Variants in MAMLD1 observed in about 807,000 individuals in gnomAD.
MAMLD1 encodes the protein mastermind-like domain-containing protein 1.
MAMLD1 carries 14 observed loss-of-function variants against 45.0 expected under a neutral mutation model. That is an observed-to-expected ratio of 0.31 (90% CI 0.21 to 0.49). MAMLD1 has a LOEUF of 0.49. Ranked by LOEUF, MAMLD1 falls within the 20% of genes least tolerant of loss-of-function variation. MAMLD1 has a pLI of 0.99. For synonymous variants in MAMLD1, 254 were observed against 247.8 expected (o/e 1.02, Z -0.24); for missense variants, 543 against 603.6 (o/e 0.90, Z 1.05).
intron 4 of MAMLD1, 67 bp from the exon 5 acceptor site, chrX:150,473,613 G>C (rs959916448): frequency 8.8e-7 from 1 of 1,132,330 alleles, no homozygotes; most frequent in African/African-American, 1.8e-5. Context: ...CATAGGACAC[G>C]GCAGGCCACC....
At chrX:150,456,900 C>T (rs138582393) in intron 2 of MAMLD1, among the ~76,000 whole-genome samples, 2,412 of 112,384 alleles carry the variant, frequency 0.021, 63 homozygotes, top group African/African-American at 0.074. Flanking sequence ...ACAAAGCCTT[C>T]AGAAAAGTTT....
intron 5 of MAMLD1, among the ~76,000 whole-genome samples, chrX:150,487,590 G>A (rs189289290): frequency 1.8e-5 from 2 of 111,711 alleles, no homozygotes; most frequent in Non-Finnish European, 3.8e-5. Context: ...AATAGGAGTA[G>A]CACTGGGTGA....
intron 6 of MAMLD1, chrX:150,509,620 G>A (rs1247223538): frequency 3.9e-6 from 1 of 255,470 alleles, no homozygotes; most frequent in Admixed American, 5.8e-5. Flanking sequence ...TGTTACATTT[G>A]TTCTTTTGGT....
chrX:150,486,576 A>G (rs782715260), intron 5 of MAMLD1, among the ~76,000 whole-genome samples: 23 of 111,430 alleles, frequency 2.1e-4, no homozygotes, highest in Non-Finnish European at 4.1e-4. Flanking sequence ...TCTCTTGGCC[A>G]TCCTCATTCA....
At chrX:150,435,285 G>T (rs1353065216) in intron 1 of MAMLD1, among the ~76,000 whole-genome samples, 1 of 111,393 alleles carries the variant, frequency 9.0e-6, no homozygotes, top group Admixed American at 9.5e-5. Flanking sequence ...GGAGGCCAAG[G>T]CGGGTGGATC....
intron 1 of MAMLD1, among the ~76,000 whole-genome samples, chrX:150,415,664 T>C (rs1480823429): frequency 8.9e-6 from 1 of 112,275 alleles, no homozygotes; most frequent in Non-Finnish European, 1.9e-5. Context: ...TAATCAACTA[T>C]GCTTACAGTC....
At chrX:150,444,785 A>G (rs782294402) in intron 1 of MAMLD1, among the ~76,000 whole-genome samples, 22 of 112,127 alleles carry the variant, frequency 2.0e-4, no homozygotes, top group African/African-American at 7.1e-4. Flanking sequence ...CTGGGTTTGC[A>G]TATGTCTGCT....
intron 1 of MAMLD1, among the ~76,000 whole-genome samples, chrX:150,386,528 C>A (rs2032935641): frequency 8.9e-6 from 1 of 111,911 alleles, no homozygotes; most frequent in South Asian, 3.8e-4. Flanking sequence ...CAGTCTCTTA[C>A]TGACAAGGTA....
At chrX:150,418,558 T>G (rs1435507892) in intron 1 of MAMLD1, among the ~76,000 whole-genome samples, 17 of 103,035 alleles carry the variant, frequency 1.6e-4, no homozygotes, top group African/African-American at 5.7e-4. Context: ...CTTTCCTGCT[T>G]TCTGTTGTGG....
At position 150,512,082 on chromosome X, in the gene MAMLD1, G is replaced by C. The variant is rs1385014884; in HGVS notation, c.*123G>C. On this transcript the variant is annotated 3_prime_UTR_variant, in exon 8 of 8. Coordinates refer to ENST00000370401, the MANE Select transcript of MAMLD1 (RefSeq NM_005491.5). ...TCTAGCAAGCACTTGATGCCACCCA[G>C]AACTGGGCTTCTTCAGAACAATCTG... The C allele has an allele frequency of 2.6e-6, 3 of 1,146,422 alleles. No individual in the cohort carries two copies. Among genetic ancestry groups the C allele is most frequent in the African/African-American group, 3.6e-5 (2 of 55,619 alleles). The allele number at this position is 1,146,422 out of a possible 1,213,427, so 94.5% of individuals were successfully genotyped here. A position where few individuals can be genotyped will look rare whatever the true frequency, so the allele number is the denominator to read the frequency against.
At chrX:150,433,662 T>A (rs782523887) in intron 1 of MAMLD1, among the ~76,000 whole-genome samples, 282 of 111,847 alleles carry the variant, frequency 2.5e-3, no homozygotes, top group Non-Finnish European at 4.5e-3. Flanking sequence ...TCTATTGAGA[T>A]GATCATGTGG....
rs1557402485 is a variant in MAMLD1 at position 150,402,708 on chromosome X, G to C, written c.-64+39178G>C. 8.7e-3 allele frequency among the ~76,000 whole-genome samples: 974 copies of C among 112,162 alleles called. 38 individuals carry two copies. Among genetic ancestry groups the C allele is most frequent in the Admixed American group, 0.081 (857 of 10,615 alleles). On this transcript the variant is annotated intron_variant, in intron 1 of 7. Transcript: ENST00000370401. ...CAGTGATAGACTGGATTAAGAAAAT[G>C]TGGCACATATACACCATGGAATACT...
chrX:150,471,792 G>A (rs1039797277), intron 4 of MAMLD1, among the ~76,000 whole-genome samples: 11 of 112,235 alleles, frequency 9.8e-5, no homozygotes, highest in Admixed American at 2.8e-4. Context: ...ATACAGAAAT[G>A]CCTTCCCTGC....
intron 6 of MAMLD1, among the ~76,000 whole-genome samples, chrX:150,503,860 G>C (rs906779138): frequency 8.9e-6 from 1 of 112,075 alleles, no homozygotes; most frequent in Admixed American, 9.4e-5. Context: ...ATACCTACCT[G>C]CCTGTCTGTC....
intron 5 of MAMLD1, among the ~76,000 whole-genome samples, chrX:150,498,716 G>A (rs1358327184): frequency 8.9e-6 from 1 of 112,480 alleles, no homozygotes; most frequent in Non-Finnish European, 1.9e-5. Flanking sequence ...ATCAACTCAG[G>A]AAGTTCTGTT....
Position 150,512,568 on chromosome X carries a change from G to C in MAMLD1, c.*609G>C. Reference sequence around the variant, plus strand: ...GAGGCACAAGTGCCCGCTGCGATGGGAACACAAGTGCCCCTGGCCAACAAC... The same window carrying C: ...GAGGCACAAGTGCCCGCTGCGATGGCAACACAAGTGCCCCTGGCCAACAAC... On this transcript the variant is annotated 3_prime_UTR_variant, in exon 8 of 8. Transcript: ENST00000370401. The C allele has an allele frequency of 2.6e-6, 3 of 1,155,400 alleles. No homozygotes were observed. Among genetic ancestry groups the C allele is most frequent in the Non-Finnish European group, 3.4e-6 (3 of 872,571 alleles).
At chrX:150,477,175 G>C (rs1240470562) in intron 5 of MAMLD1, among the ~76,000 whole-genome samples, 1 of 108,605 alleles carries the variant, frequency 9.2e-6, no homozygotes, top group Non-Finnish European at 1.9e-5. Flanking sequence ...TTTTCCGCGG[G>C]GCAAGCGATT....
intron 1 of MAMLD1, among the ~76,000 whole-genome samples, 190 bp from the exon 2 acceptor site, chrX:150,445,264 C>G (rs1358914456): frequency 9.0e-6 from 1 of 110,882 alleles, no homozygotes; most frequent in Non-Finnish European, 1.9e-5. Context: ...TTATCCCAGC[C>G]AACTGTCTCA....
intron 1 of MAMLD1, among the ~76,000 whole-genome samples, chrX:150,392,829 AAAAG>A (rs2033244920): frequency 9.0e-6 from 1 of 110,641 alleles, no homozygotes; most frequent in Non-Finnish European, 1.9e-5. Flanking sequence ...CAGCAAAATT[AAAAG>A]AAAGACAGAG....
Sources: gnomAD v4.1 joint callset for allele counts (sites outside exome capture counted in the v4.1 genomes callset) on GRCh38, gnomAD v4.1.1 for gene constraint, MANE v1.5 for transcripts, NCBI Gene and HGNC (gene_info 2026-07-23, HGNC 2026-07-21) for gene names.